PTPRF: variants seen among roughly 807,000 people sequenced by gnomAD.
PTPRF encodes protein tyrosine phosphatase receptor type F.
PTPRF carries 59 observed loss-of-function variants against 201.8 expected under a neutral mutation model. That is an observed-to-expected ratio of 0.29 (90% CI 0.24 to 0.36). The LOEUF (loss-of-function observed/expected upper bound fraction) is 0.36, where lower values mean the gene tolerates loss of function less well. Ranked by LOEUF, PTPRF falls within the 10% of genes least tolerant of loss-of-function variation. The probability of loss-of-function intolerance (pLI) is 1.00; values close to 1 mark genes in which losing one functional copy is unlikely to be tolerated. For missense variants in PTPRF, 2,132 were observed against 2,690.5 expected, an observed-to-expected ratio of 0.79 and a Z score of 4.59; for synonymous variants, 1,088 against 1,089.7, an observed-to-expected ratio of 1.00 and a Z score of 0.03.
chr1:43,549,622 A>G (rs1020415552), intron 3 of PTPRF, among the ~76,000 whole-genome samples: 3 of 152,236 alleles, frequency 2.0e-5, no homozygotes. Context: ...TGGGAGGCCA[A>G]GGCAGGTGGA....
chr1:43,596,287 A>G (rs999979330), intron 11 of PTPRF, among the ~76,000 whole-genome samples: 5 of 152,158 alleles, frequency 3.3e-5, no homozygotes, highest in African/African-American at 1.2e-4. Context: ...AGGGAGGGCC[A>G]TCCCCAGTAC....
intron 13 of PTPRF, among the ~76,000 whole-genome samples, chr1:43,599,585 C>T (rs949756077): frequency 6.6e-6 from 1 of 152,180 alleles, no homozygotes; most frequent in African/African-American, 2.4e-5. Flanking sequence ...TGATGTTCAC[C>T]CTCAAGAGCT....
chr1:43,557,668 C>T (rs1177160385), intron 5 of PTPRF, among the ~76,000 whole-genome samples: 1 of 151,076 alleles, frequency 6.6e-6, no homozygotes, highest in African/African-American at 2.4e-5. Flanking sequence ...CAGGAGGTGC[C>T]TCCGTTTGGT....
At chr1:43,577,684 G>T (rs1647020396) in intron 6 of PTPRF, among the ~76,000 whole-genome samples, 1 of 152,134 alleles carries the variant, frequency 6.6e-6, no homozygotes, top group South Asian at 2.1e-4. Context: ...TCCTGTGTGG[G>T]TGTGATTGTC....
chr1:43,523,149 C>T (rs1429966579), upstream of PTPRF, among the ~76,000 whole-genome samples: 4 of 152,100 alleles, frequency 2.6e-5, no homozygotes, highest in East Asian at 7.7e-4. Flanking sequence ...CTGACTCAGA[C>T]AGAGAACTCG....
At chr1:43,585,600 T>G (rs1648931901) in intron 7 of PTPRF, among the ~76,000 whole-genome samples, 2 of 151,938 alleles carry the variant, frequency 1.3e-5, no homozygotes, top group African/African-American at 4.8e-5. Context: ...AGGGAAAAAA[T>G]AAACACAACT....
At chr1:43,563,961 T>C (rs1429672168) in intron 5 of PTPRF, among the ~76,000 whole-genome samples, 1 of 151,576 alleles carries the variant, frequency 6.6e-6, no homozygotes, top group Admixed American at 6.6e-5. Flanking sequence ...CGATGTGGGG[T>C]GCCAGGGAAA....
intron 3 of PTPRF, among the ~76,000 whole-genome samples, chr1:43,547,941 G>C (rs1262180108): frequency 6.6e-6 from 1 of 152,204 alleles, no homozygotes. Context: ...TCAAGTGCGT[G>C]TCGCGTGCCT....
chr1:43,597,484 TGA>T (rs1426347110), intron 11 of PTPRF, among the ~76,000 whole-genome samples: 1 of 151,952 alleles, frequency 6.6e-6, no homozygotes, highest in East Asian at 1.9e-4. Flanking sequence ...TGAGGCTGTG[TGA>T]GAGTCAGTGT....
At chr1:43,620,657 G>A in intron 31 of PTPRF, 78 bp downstream of exon 31, 2 of 1,570,778 alleles carry the variant, frequency 1.3e-6, no homozygotes, top group African/African-American at 2.7e-5. Flanking sequence ...TGGTACCTTA[G>A]CTCAAGCTTC....
At chr1:43,587,581 G>C (rs919254019) in intron 7 of PTPRF, among the ~76,000 whole-genome samples, 1 of 152,168 alleles carries the variant, frequency 6.6e-6, no homozygotes, top group Admixed American at 6.5e-5. Context: ...TTATAGTGGA[G>C]ATGCTCCTTA....
Position 43,621,998 on chromosome 1 carries a change from A to G in PTPRF, c.5719A>G (p.Thr1907Ala). ...CCTCGGCAGCTTTGACCACTATGCA[A>G]CGTAACTACCGCTCCCCTCTCCTCC... is the stretch of plus-strand genomic sequence containing the variant. ...EYLGSFDHYA[T>A] is the part of the protein sequence containing the mutation. The change falls in exon 34 of 34, where the codon ACG becomes GCG. Residue 1907 changes from threonine (T) to alanine (A), a missense_variant. Around this residue, in one of 6 missense-constraint regions of PTPRF, gnomAD observed 519 missense variants for 659.5 expected, o/e 0.79. Transcript: ENST00000359947. 1 of 1,614,030 alleles carries G rather than the reference A, an allele frequency of 6.2e-7. No homozygotes were observed. The highest frequency in any genetic ancestry group is 8.5e-7 in the Non-Finnish European group (1 of 1,179,956).
intron 33 of PTPRF, 38 bp from the exon 34 acceptor site, chr1:43,621,897 T>G (rs1249652542): frequency 3.1e-6 from 5 of 1,604,792 alleles, no homozygotes; most frequent in Non-Finnish European, 4.3e-6. Flanking sequence ...GGGTGTCCAC[T>G]GGCGCGACCC....
chr1:43,600,168 C>T (rs1192692670), intron 13 of PTPRF, among the ~76,000 whole-genome samples: 4 of 152,212 alleles, frequency 2.6e-5, no homozygotes, highest in Non-Finnish European at 5.9e-5. Flanking sequence ...CACCTGCATT[C>T]CTGGGGCAGG....
chr1:43,582,503 C>T (rs1557766649), intron 7 of PTPRF: 1 of 152,366 alleles, frequency 6.6e-6, no homozygotes, highest in Non-Finnish European at 1.5e-5. Context: ...AGGGTGGAGC[C>T]CTGCCCTCCT....
upstream of PTPRF, among the ~76,000 whole-genome samples, chr1:43,529,553 C>A (rs1643274439): frequency 6.6e-6 from 1 of 152,008 alleles, no homozygotes; most frequent in African/African-American, 2.4e-5. Flanking sequence ...AACCTCATCT[C>A]TTTTTCTGCT....
intron 7 of PTPRF, among the ~76,000 whole-genome samples, chr1:43,583,410 C>T (rs999911475): frequency 2.6e-5 from 4 of 152,220 alleles, no homozygotes; most frequent in African/African-American, 9.6e-5. Flanking sequence ...CAGGCCGGGC[C>T]AGCTGTCTGA....
intron 3 of PTPRF, among the ~76,000 whole-genome samples, chr1:43,549,862 C>T (rs987022414): frequency 2.3e-5 from 3 of 129,260 alleles, no homozygotes; most frequent in Non-Finnish European, 3.3e-5. Flanking sequence ...ACCCCCCTCT[C>T]AAAAAAAAAA....
At chr1:43,575,247 C>G (rs1469590200) in intron 6 of PTPRF, among the ~76,000 whole-genome samples, 1 of 152,194 alleles carries the variant, frequency 6.6e-6, no homozygotes, top group African/African-American at 2.4e-5. Flanking sequence ...AGGTGCTAGA[C>G]AGGAAAAGGG....
Sources: allele counts gnomAD v4.1 joint callset (sites outside exome capture counted in the v4.1 genomes callset), GRCh38; gene constraint gnomAD v4.1.1; regional missense constraint gnomAD v4.1.1; transcripts MANE v1.5; gene names NCBI Gene and HGNC (gene_info 2026-07-23, HGNC 2026-07-21).